Variants in PLGRKT observed in about 807,000 individuals in gnomAD.
The protein encoded by PLGRKT is plasminogen receptor (KT).
PLGRKT carries 22 observed loss-of-function variants against 18.5 expected under a neutral mutation model. The ratio of observed to expected loss-of-function variants is 1.19; its 90% CI spans 0.85 to 1.70. The LOEUF is 1.70. PLGRKT is among the 40% of genes most tolerant of loss of function. The probability of loss-of-function intolerance (pLI) is 0.00; values close to 1 mark genes in which losing one functional copy is unlikely to be tolerated. For synonymous variants in PLGRKT, 72 were observed against 52.8 expected (o/e 1.36, Z -1.58); for missense variants, 235 against 174.4 (o/e 1.35, Z -1.96).
At chr9:5,434,414 G>A (rs1398646461) in intron 2 of PLGRKT, among the ~76,000 whole-genome samples, 19 of 134,466 alleles carry the variant, frequency 1.4e-4, no homozygotes, top group African/African-American at 3.2e-4. Flanking sequence ...CCGCCACCCC[G>A]TCTGGGAAGT....
intron 3 of PLGRKT, among the ~76,000 whole-genome samples, chr9:5,380,431 T>C (rs577632583): frequency 3.3e-5 from 5 of 151,716 alleles, no homozygotes; most frequent in African/African-American, 1.2e-4. Flanking sequence ...ATTGTACTTA[T>C]GATGTGCCAG....
At chr9:5,389,080 C>T (rs1220484777) in intron 3 of PLGRKT, among the ~76,000 whole-genome samples, 1 of 151,894 alleles carries the variant, frequency 6.6e-6, no homozygotes, top group African/African-American at 2.4e-5. Context: ...TAACATAGGA[C>T]ATGGACTTGT....
chr9:5,411,058 G>C (rs796824059), intron 3 of PLGRKT, among the ~76,000 whole-genome samples: 3 of 152,084 alleles, frequency 2.0e-5, no homozygotes, highest in Admixed American at 6.5e-5. Context: ...TAGTCATCAT[G>C]AGCAAATAAG....
At chr9:5,382,032 C>G in intron 3 of PLGRKT, 4 of 984,718 alleles carry the variant, frequency 4.1e-6, no homozygotes, top group Non-Finnish European at 4.8e-6. Flanking sequence ...AATGTGCACC[C>G]TGAAAAAAAA....
chr9:5,427,784 T>G (rs921716906), intron 3 of PLGRKT, among the ~76,000 whole-genome samples: 7 of 152,180 alleles, frequency 4.6e-5, no homozygotes, highest in Non-Finnish European at 7.3e-5. Context: ...ATAGAAATAT[T>G]TGACTTTCTG....
chr9:5,365,494 C>T (rs1218344086), intron 3 of PLGRKT, among the ~76,000 whole-genome samples: 1 of 143,400 alleles, frequency 7.0e-6, no homozygotes, highest in Non-Finnish European at 1.6e-5. Flanking sequence ...GCTTAACTCC[C>T]ACCCCTTGAT....
intron 3 of PLGRKT, 100 bp downstream of exon 3, chr9:5,431,797 T>G: frequency 3.1e-6 from 2 of 650,562 alleles, no homozygotes; most frequent in East Asian, 2.6e-5. Flanking sequence ...CCAAAGAACA[T>G]TTTATTGTTG....
At chr9:5,408,139 T>C (rs1818290935) in intron 3 of PLGRKT, among the ~76,000 whole-genome samples, 2 of 152,244 alleles carry the variant, frequency 1.3e-5, no homozygotes, top group Non-Finnish European at 2.9e-5. Context: ...TATTATCTTG[T>C]TCACACTGAA....
intron 3 of PLGRKT, among the ~76,000 whole-genome samples, chr9:5,431,360 C>T (rs1364519677): frequency 6.6e-6 from 1 of 151,930 alleles, no homozygotes; most frequent in Non-Finnish European, 1.5e-5. Flanking sequence ...ATGGTGAAAC[C>T]TTGTCTCTAT....
chr9:5,378,556 T>C (rs1256052044), intron 3 of PLGRKT, among the ~76,000 whole-genome samples: 2 of 152,236 alleles, frequency 1.3e-5, no homozygotes, highest in African/African-American at 4.8e-5. Context: ...ATAGTGGCTA[T>C]CCTTAAGTGG....
At chr9:5,421,549 T>C (rs1818575559) in intron 3 of PLGRKT, among the ~76,000 whole-genome samples, 1 of 152,240 alleles carries the variant, frequency 6.6e-6, no homozygotes, top group South Asian at 2.1e-4. Context: ...TTACCCAGTA[T>C]AGAGCAGGGG....
intron 3 of PLGRKT, among the ~76,000 whole-genome samples, chr9:5,429,254 T>C (rs1476304645): frequency 1.3e-5 from 2 of 152,162 alleles, no homozygotes; most frequent in African/African-American, 2.4e-5. Context: ...CCCTTCTAGG[T>C]GGTCTAATAG....
intron 3 of PLGRKT, among the ~76,000 whole-genome samples, chr9:5,383,533 A>T (rs923192527): frequency 6.6e-6 from 1 of 152,194 alleles, no homozygotes; most frequent in Non-Finnish European, 1.5e-5. Context: ...ACATTGTAAT[A>T]TATAATGAAA....
At chr9:5,430,424 T>C (rs1386233591) in intron 3 of PLGRKT, among the ~76,000 whole-genome samples, 1 of 152,200 alleles carries the variant, frequency 6.6e-6, no homozygotes, top group Non-Finnish European at 1.5e-5. Context: ...ATTCTTTCAA[T>C]TGTTTCATTG....
chr9:5,392,557 T>G (rs1218657087), intron 3 of PLGRKT: 1 of 152,002 alleles, frequency 6.6e-6, no homozygotes, highest in Non-Finnish European at 1.5e-5. Flanking sequence ...AATTCTGTAG[T>G]CAGGCTCCCT....
chr9:5,408,296 G>T (rs1391966274), intron 3 of PLGRKT, among the ~76,000 whole-genome samples: 1 of 152,164 alleles, frequency 6.6e-6, no homozygotes, highest in Non-Finnish European at 1.5e-5. Context: ...GACAGAGATG[G>T]CCAGGTGGAT....
intron 2 of PLGRKT, among the ~76,000 whole-genome samples, chr9:5,432,834 C>T (rs1358159781): frequency 1.3e-5 from 2 of 152,316 alleles, no homozygotes; most frequent in East Asian, 3.9e-4. Context: ...GTGGCGTGAT[C>T]TCGGCTGGCT....
At chr9:5,405,077 T>G (rs1818229822) in intron 3 of PLGRKT, among the ~76,000 whole-genome samples, 1 of 152,002 alleles carries the variant, frequency 6.6e-6, no homozygotes, top group Non-Finnish European at 1.5e-5. Flanking sequence ...ACAAGGGAAG[T>G]GAAGGACCTC....
chr9:5,408,000 T>A (rs1460217260), intron 3 of PLGRKT, among the ~76,000 whole-genome samples: 2 of 152,164 alleles, frequency 1.3e-5, no homozygotes, highest in Non-Finnish European at 2.9e-5. Flanking sequence ...CTATTGTAAG[T>A]CCAGGACATG....
Sources: gnomAD v4.1 joint callset for allele counts (sites outside exome capture counted in the v4.1 genomes callset) on GRCh38, gnomAD v4.1.1 for gene constraint, MANE v1.5 for transcripts, NCBI Gene and HGNC (gene_info 2026-07-23, HGNC 2026-07-21) for gene names.